Variants in KCNMA1 observed in about 807,000 individuals in gnomAD.
The protein encoded by KCNMA1 is potassium calcium-activated channel subfamily M alpha 1, also known as Calcium-activated potassium channel subunit alpha-1.
In KCNMA1, 29 loss-of-function variants were observed where a neutral mutation model predicts 140.0. The observed-to-expected ratio is 0.21, with a 90% confidence interval of 0.15 to 0.28. The LOEUF (loss-of-function observed/expected upper bound fraction) is 0.28. KCNMA1 is among the 10% of genes least tolerant of loss of function. The pLI, the probability that KCNMA1 is intolerant of heterozygous loss-of-function variation, is 1.00. For synonymous variants in KCNMA1, 612 were observed against 611.9 expected (o/e 1.00, Z 0.00); for missense variants, 880 against 1,602.2 (o/e 0.55, Z 7.70).
chr10:77,007,653 GTATATA>G (rs60937323), intron 18 of KCNMA1, among the ~76,000 whole-genome samples: 3,212 of 88,528 alleles, frequency 0.036, 173 homozygotes, highest in Middle Eastern at 0.089. Context: ...TTGTGTGTGT[GTATATA>G]TATATATATA....
At chr10:77,530,776 G>A (rs1240740809) in intron 1 of KCNMA1, among the ~76,000 whole-genome samples, 2 of 152,016 alleles carry the variant, frequency 1.3e-5, no homozygotes, top group Non-Finnish European at 2.9e-5. Flanking sequence ...TTTCTGCCCC[G>A]CCTGCCTGCC....
Position 76,919,771 on chromosome 10 carries a change from T to A in KCNMA1, c.2903-4722A>T, listed in dbSNP as rs1047820673. 2.6e-5 allele frequency among the ~76,000 whole-genome samples: 4 copies of A among 152,076 alleles called. 1 individual carries two copies. Among genetic ancestry groups the A allele is most frequent in the Admixed American group, 2.6e-4 (4 of 15,252 alleles). ...ATTGTAAGGATAAAATAAAATAATG[T>A]ATTTAAAACATTTAGTACAATATCT... On this transcript the variant is annotated intron_variant, in intron 23 of 27. Transcript: ENST00000286628.
At chr10:77,636,468 C>G in intron 1 of KCNMA1, 1 of 1,536,200 alleles carries the variant, frequency 6.5e-7, no homozygotes, top group Non-Finnish European at 8.7e-7. Context: ...GACTCCCGCT[C>G]CAGCTCCGCG....
intron 1 of KCNMA1, among the ~76,000 whole-genome samples, chr10:77,563,016 T>C (rs2066897376): frequency 6.6e-6 from 1 of 151,790 alleles, no homozygotes; most frequent in Non-Finnish European, 1.5e-5. Context: ...CCATTCTTGA[T>C]CTCAGCCCAA....
At chr10:77,204,685 G>A (rs2043504722) in intron 3 of KCNMA1, among the ~76,000 whole-genome samples, 2 of 152,136 alleles carry the variant, frequency 1.3e-5, no homozygotes, top group Admixed American at 1.3e-4. Context: ...GACATGGTTT[G>A]GTGCCTATTG....
chr10:76,897,257 T>G (rs2042977334), intron 25 of KCNMA1, among the ~76,000 whole-genome samples: 1 of 150,646 alleles, frequency 6.6e-6, no homozygotes, highest in Non-Finnish European at 1.5e-5. Context: ...AAATAACCTG[T>G]CCTGAGCTGG....
At chr10:76,961,350 C>T (rs1378490999) in intron 20 of KCNMA1, among the ~76,000 whole-genome samples, 5 of 152,036 alleles carry the variant, frequency 3.3e-5, no homozygotes, top group African/African-American at 4.8e-5. Flanking sequence ...TGAATTGCTG[C>T]AAACTCATGA....
At chr10:77,365,259 G>C (rs757112941) in intron 2 of KCNMA1, among the ~76,000 whole-genome samples, 2 of 152,252 alleles carry the variant, frequency 1.3e-5, no homozygotes, top group Admixed American at 6.5e-5. Context: ...CCTTGTCACT[G>C]TCTCCTTCAA....
At chr10:77,261,108 C>G (rs1264098176) in intron 2 of KCNMA1, among the ~76,000 whole-genome samples, 1 of 152,078 alleles carries the variant, frequency 6.6e-6, no homozygotes, top group Non-Finnish European at 1.5e-5. Context: ...CACCTGCATG[C>G]CCCCCAGCAG....
At chr10:77,166,219 T>C (rs1225253219) in intron 5 of KCNMA1, among the ~76,000 whole-genome samples, 1 of 152,172 alleles carries the variant, frequency 6.6e-6, no homozygotes, top group Admixed American at 6.5e-5. Context: ...CCTCTGACCA[T>C]GTGCACGTTG....
chr10:76,888,451 A>G (rs2038298505), intron 27 of KCNMA1, among the ~76,000 whole-genome samples: 1 of 152,194 alleles, frequency 6.6e-6, no homozygotes, highest in Admixed American at 6.5e-5. Context: ...AGTAATCAGA[A>G]TATTTTTTAA....
At chr10:77,211,673 T>C (rs913174795) in intron 3 of KCNMA1, among the ~76,000 whole-genome samples, 4 of 151,946 alleles carry the variant, frequency 2.6e-5, no homozygotes, top group African/African-American at 9.7e-5. Context: ...AGACAACCTA[T>C]AGAATGGGAG....
intron 9 of KCNMA1, among the ~76,000 whole-genome samples, chr10:77,092,776 C>T (rs2096844889): frequency 6.6e-6 from 1 of 152,196 alleles, no homozygotes; most frequent in East Asian, 1.9e-4. Flanking sequence ...TGGGGAAATG[C>T]CTGAACATTC....
intron 9 of KCNMA1, among the ~76,000 whole-genome samples, chr10:77,100,053 A>T (rs1436922444): frequency 1.3e-5 from 2 of 152,220 alleles, no homozygotes; most frequent in Non-Finnish European, 2.9e-5. Flanking sequence ...TTCCTGAAAA[A>T]AGAGCATTTC....
At chr10:77,382,988 G>GTATATA (rs2095470217) in intron 2 of KCNMA1, among the ~76,000 whole-genome samples, 4 of 44,958 alleles carry the variant, frequency 8.9e-5, no homozygotes, top group African/African-American at 5.6e-4. Context: ...GTGTGTGTGT[G>GTATATA]TGTGTGTATA....
intron 1 of KCNMA1, among the ~76,000 whole-genome samples, chr10:77,467,890 T>C (rs1202012343): frequency 6.6e-6 from 1 of 152,264 alleles, no homozygotes; most frequent in Admixed American, 6.5e-5. Flanking sequence ...TAAACTTTTA[T>C]CCTGTTACCA....
chr10:77,137,826 T>C (rs1185917016), intron 5 of KCNMA1, among the ~76,000 whole-genome samples: 1 of 152,184 alleles, frequency 6.6e-6, no homozygotes, highest in Non-Finnish European at 1.5e-5. Flanking sequence ...TTGTCACCCA[T>C]GCTGGAGTGC....
At chr10:77,331,309 T>C (rs1209505519) in intron 2 of KCNMA1, among the ~76,000 whole-genome samples, 1 of 152,196 alleles carries the variant, frequency 6.6e-6, no homozygotes, top group Non-Finnish European at 1.5e-5. Context: ...ATTTAATTTA[T>C]ACAAAAGTGC....
chr10:77,324,801 G>A (rs2083401792), intron 2 of KCNMA1, among the ~76,000 whole-genome samples: 2 of 152,138 alleles, frequency 1.3e-5, no homozygotes, highest in South Asian at 4.1e-4. Flanking sequence ...GGAAAGCCAG[G>A]CTATGGTGGA....
Sources: allele counts gnomAD v4.1 joint callset (sites outside exome capture counted in the v4.1 genomes callset), GRCh38; gene constraint gnomAD v4.1.1; transcripts MANE v1.5; gene names NCBI Gene and HGNC (gene_info 2026-07-23, HGNC 2026-07-21).